The following CD226 variants were observed in gnomAD, a reference collection of about 807,000 sequenced individuals.
CD226 encodes the protein CD226 antigen.
Under a neutral mutation model 34.9 loss-of-function variants are expected in CD226, and 24 were observed. The ratio of observed to expected loss-of-function variants is 0.69; its 90% CI spans 0.50 to 0.97. The LOEUF (loss-of-function observed/expected upper bound fraction) is 0.97, where lower values mean the gene tolerates loss of function less well. CD226 is among the 50% of genes least tolerant of loss of function. The pLI, the probability that CD226 is intolerant of heterozygous loss-of-function variation, is 0.00. For synonymous variants in CD226, 148 were observed against 147.4 expected, an observed-to-expected ratio of 1.00 and a Z score of -0.03; for missense variants, 397 against 412.7, an observed-to-expected ratio of 0.96 and a Z score of 0.33.
At chr18:69,866,051 C>T (rs1183853347) in intron 5 of CD226, among the ~76,000 whole-genome samples, 6 of 152,144 alleles carry the variant, frequency 3.9e-5, no homozygotes, top group Non-Finnish European at 7.4e-5. Flanking sequence ...GGCCTGCGGG[C>T]CTGTTTCTTG....
chr18:69,934,279 TAC>T lies in CD226; in HGVS notation c.382+12453_382+12454del, dbSNP rs760259895. Among the ~76,000 whole-genome samples the T allele has an allele frequency of 4.8e-3, 354 of 73,122 alleles. 2 individuals carry two copies. The highest frequency in any genetic ancestry group is 7.2e-3 in the Non-Finnish European group (155 of 21,542). The allele number at this position is 73,122 out of a possible 152,430, so 48.0% of individuals were successfully genotyped here. On this transcript the variant is annotated intron_variant, in intron 2 of 5. Coordinates refer to ENST00000582621, the MANE Select transcript of CD226 (RefSeq NM_001303618.2). ...GAAATGATCCTGTCCACACAGAGGATACACACACACACACACACACACACACA... is the reference window on the plus strand; with the variant it reads ...GAAATGATCCTGTCCACACAGAGGATACACACACACACACACACACACACA...
intron 3 of CD226, among the ~76,000 whole-genome samples, chr18:69,877,632 GAGA>G (rs1373951142): frequency 6.6e-6 from 1 of 152,128 alleles, no homozygotes; most frequent in Non-Finnish European, 1.5e-5. Context: ...GAAAGGACAG[GAGA>G]AGGTCAGAGA....
At chr18:69,897,234 T>G (rs915202964) in intron 2 of CD226, among the ~76,000 whole-genome samples, 2 of 152,212 alleles carry the variant, frequency 1.3e-5, no homozygotes, top group Admixed American at 6.5e-5. Flanking sequence ...ATGACAGATA[T>G]AGCGTACATA....
chr18:69,951,243 G>A (rs2055851830), upstream of CD226, among the ~76,000 whole-genome samples: 1 of 152,004 alleles, frequency 6.6e-6, no homozygotes, highest in Non-Finnish European at 1.5e-5. Context: ...CTCCTAAAGT[G>A]TTGGGAGTAC....
intron 2 of CD226, among the ~76,000 whole-genome samples, chr18:69,943,653 T>TC (rs2055753306): frequency 6.6e-6 from 1 of 152,150 alleles, no homozygotes; most frequent in African/African-American, 2.4e-5. Context: ...GGTTCCCATG[T>TC]CCCCCAGGCT....
At chr18:69,903,417 G>A (rs2055211989) in intron 2 of CD226, among the ~76,000 whole-genome samples, 1 of 152,058 alleles carries the variant, frequency 6.6e-6, no homozygotes, top group African/African-American at 2.4e-5. Context: ...AGTATTGGAT[G>A]GCATTTCTCT....
At position 69,892,083 on chromosome 18, in the gene CD226, G is replaced by A. The variant is rs147402904; in HGVS notation, c.727+3618C>T. On this transcript the variant is annotated intron_variant, in intron 3 of 5. Coordinates refer to ENST00000582621, the MANE Select transcript of CD226 (RefSeq NM_001303618.2). The stretch of plus-strand genomic sequence containing the variant: ...TCATTCCTCAGCTCTAATCATCAAT[G>A]CCTCATTTGAACCTTGATGGTCCCG... 6.5e-4 allele frequency among the ~76,000 whole-genome samples: 99 copies of A among 152,266 alleles called. 1 individual carries two copies. The East Asian group carries it at 0.018, about 28-fold the overall frequency.
intron 3 of CD226, among the ~76,000 whole-genome samples, chr18:69,894,811 T>TA (rs1301967547): frequency 6.6e-6 from 1 of 151,944 alleles, no homozygotes; most frequent in Non-Finnish European, 1.5e-5. Flanking sequence ...CACAGACCTC[T>TA]ATATGGGCCT....
At chr18:69,913,345 G>T (rs143109156) in intron 2 of CD226, among the ~76,000 whole-genome samples, 2,327 of 152,260 alleles carry the variant, frequency 0.015, 21 homozygotes, top group Non-Finnish European at 0.023. Context: ...TGTGCCTAAA[G>T]GATTTGTTAT....
At chr18:69,880,326 AAGAG>A (rs201424689) in intron 3 of CD226, among the ~76,000 whole-genome samples, 3 of 87,558 alleles carry the variant, frequency 3.4e-5, no homozygotes, top group Admixed American at 1.3e-4. Context: ...AAGAAAAAGA[AAGAG>A]AGAAAGAAAG....
intron 5 of CD226, among the ~76,000 whole-genome samples, chr18:69,866,754 C>T (rs1448430709): frequency 6.6e-6 from 1 of 152,054 alleles, no homozygotes; most frequent in African/African-American, 2.4e-5. Flanking sequence ...ATTAGCTAAG[C>T]TCAAACAACG....
chr18:69,907,738 C>A (rs940916168), intron 2 of CD226, among the ~76,000 whole-genome samples: 1 of 152,118 alleles, frequency 6.6e-6, no homozygotes, highest in African/African-American at 2.4e-5. Context: ...GGGTACAAAA[C>A]CTCAGTCAGA....
chr18:69,885,947 C>T (rs1984533657), intron 3 of CD226, among the ~76,000 whole-genome samples: 1 of 119,632 alleles, frequency 8.4e-6, no homozygotes, highest in African/African-American at 2.5e-5. Flanking sequence ...ACTCCTTTGC[C>T]TAAACTTGCT....
At chr18:69,908,760 T>C (rs927716390) in intron 2 of CD226, among the ~76,000 whole-genome samples, 11 of 152,226 alleles carry the variant, frequency 7.2e-5, no homozygotes, top group Non-Finnish European at 1.0e-4. Context: ...AAATCCTATA[T>C]GATTTTATTC....
At chr18:69,907,658 A>C (rs947527942) in intron 2 of CD226, among the ~76,000 whole-genome samples, 2 of 152,146 alleles carry the variant, frequency 1.3e-5, no homozygotes, top group Non-Finnish European at 2.9e-5. Flanking sequence ...AATCTCTCTC[A>C]TAGAAGCAGA....
At chr18:69,904,952 T>A (rs918372131) in intron 2 of CD226, among the ~76,000 whole-genome samples, 5 of 152,250 alleles carry the variant, frequency 3.3e-5, no homozygotes, top group African/African-American at 1.2e-4. Flanking sequence ...GAGACTACAT[T>A]AAGCATTTTG....
chr18:69,913,782 G>C (rs140042829), intron 2 of CD226, among the ~76,000 whole-genome samples: 7 of 152,196 alleles, frequency 4.6e-5, no homozygotes, highest in African/African-American at 1.4e-4. Context: ...CTAGTGAAAT[G>C]CTAAGCCTGC....
intron 2 of CD226, among the ~76,000 whole-genome samples, chr18:69,944,926 C>T (rs1020293699): frequency 1.3e-5 from 2 of 152,216 alleles, no homozygotes; most frequent in African/African-American, 2.4e-5. Flanking sequence ...ACCCTAGCTA[C>T]ACCTAAAGAG....
intron 2 of CD226, among the ~76,000 whole-genome samples, chr18:69,900,503 C>T (rs552741548): frequency 1.4e-4 from 21 of 151,882 alleles, no homozygotes; most frequent in Admixed American, 2.0e-4. Flanking sequence ...GAGGCCGAGG[C>T]GGGCGGATCA....
Sources: allele counts gnomAD v4.1 joint callset (sites outside exome capture counted in the v4.1 genomes callset), GRCh38; gene constraint gnomAD v4.1.1; transcripts MANE v1.5; gene names NCBI Gene and HGNC (gene_info 2026-07-23, HGNC 2026-07-21).